JAM2: variants seen among roughly 807,000 people sequenced by gnomAD.
JAM2 encodes the protein junctional adhesion molecule B.
JAM2 carries 17 observed loss-of-function variants against 42.0 expected under a neutral mutation model. The ratio of observed to expected loss-of-function variants is 0.40; its 90% CI spans 0.28 to 0.61. JAM2 has a LOEUF of 0.61. Ranked by LOEUF, JAM2 falls within the 20% of genes least tolerant of loss-of-function variation. JAM2 has a pLI of 0.37. For missense variants in JAM2, 319 were observed against 358.3 expected, an observed-to-expected ratio of 0.89 and a Z score of 0.89; for synonymous variants, 118 against 128.6, an observed-to-expected ratio of 0.92 and a Z score of 0.56.
At chr21:25,694,199 G>A (rs2033946473) in intron 4 of JAM2, among the ~76,000 whole-genome samples, 1 of 152,164 alleles carries the variant, frequency 6.6e-6, no homozygotes, top group Admixed American at 6.5e-5. Flanking sequence ...TTTCCTGAGA[G>A]TTTATTTTTC....
At chr21:25,676,286 CAA>C (rs397958040) in intron 1 of JAM2, among the ~76,000 whole-genome samples, 1,234 of 61,138 alleles carry the variant, frequency 0.02, 8 homozygotes, top group African/African-American at 0.068. Flanking sequence ...AGACTCGTCT[CAA>C]AAAAAAAAAA....
intron 6 of JAM2, among the ~76,000 whole-genome samples, chr21:25,704,083 T>C: frequency 6.6e-6 from 1 of 151,754 alleles, no homozygotes; most frequent in Non-Finnish European, 1.5e-5. Context: ...TGTCAGATAA[T>C]AGCCCTTACT....
chr21:25,689,918 G>A lies in JAM2; in HGVS notation c.186G>A (p.Glu62=). Residue 62 remains glutamate, a synonymous_variant, in exon 3 of 10, where the codon GAG becomes GAA. Coordinates refer to ENST00000480456, the MANE Select transcript of JAM2 (RefSeq NM_021219.4). ...TPKKTVSSRL[E]WKKLGRSVSF... is the part of the protein sequence containing the mutation. The stretch of plus-strand genomic sequence containing the variant: ...AGAAGACTGTTTCCTCCAGATTAGA[G>A]TGGAAGAAACTGGGTCGGAGTGTCT... The A allele has an allele frequency of 6.2e-7, 1 of 1,613,870 alleles. No individual in the cohort carries two copies. Among genetic ancestry groups the A allele is most frequent in the Non-Finnish European group, 8.5e-7 (1 of 1,179,824 alleles).
intron 1 of JAM2, among the ~76,000 whole-genome samples, chr21:25,640,740 C>A (rs1270601248): frequency 6.6e-6 from 1 of 152,146 alleles, no homozygotes; most frequent in Non-Finnish European, 1.5e-5. Context: ...TTTGCTTTTT[C>A]TTTTTTCTCT....
chr21:25,664,601 C>T (rs1277655356), intron 1 of JAM2, among the ~76,000 whole-genome samples: 3 of 152,236 alleles, frequency 2.0e-5, no homozygotes, highest in Non-Finnish European at 2.9e-5. Context: ...TTGACACTCC[C>T]TCTTTGAAAG....
chr21:25,677,900 A>G (rs1461661257), intron 1 of JAM2, among the ~76,000 whole-genome samples: 2 of 152,212 alleles, frequency 1.3e-5, no homozygotes, highest in African/African-American at 4.8e-5. Context: ...TGAAAGTTTC[A>G]CAGAACAATG....
chr21:25,665,057 T>A (rs1251134232), intron 1 of JAM2, among the ~76,000 whole-genome samples: 2 of 152,204 alleles, frequency 1.3e-5, no homozygotes, highest in Non-Finnish European at 2.9e-5. Flanking sequence ...ATGGGTTGTC[T>A]AGAGTGTTGC....
intron 1 of JAM2, among the ~76,000 whole-genome samples, chr21:25,655,911 A>G (rs2123324441): frequency 7.5e-6 from 1 of 133,464 alleles, no homozygotes; most frequent in Admixed American, 7.3e-5. Context: ...TTTCCCACTA[A>G]TAGTTTTTTT....
chr21:25,712,119 T>C (rs2034395547), intron 8 of JAM2: 1 of 540,848 alleles, frequency 1.8e-6, no homozygotes, highest in African/African-American at 1.9e-5. Flanking sequence ...TACATTTACG[T>C]GCACAAGGCT....
chr21:25,649,920 T>C (rs1001280932), intron 1 of JAM2, among the ~76,000 whole-genome samples: 1 of 152,208 alleles, frequency 6.6e-6, no homozygotes, highest in African/African-American at 2.4e-5. Flanking sequence ...TGGAAACACC[T>C]GCAGGAGCAG....
intron 1 of JAM2, among the ~76,000 whole-genome samples, chr21:25,670,884 C>T (rs1199382007): frequency 6.6e-6 from 1 of 152,140 alleles, no homozygotes; most frequent in African/African-American, 2.4e-5. Context: ...TGTTTTTTGG[C>T]TTCCTGAGGA....
rs1568920885 is a variant in JAM2, at chr21:25,709,462, T to C, written c.821+13T>C. ...AAACCTCCTTCCAGTAAGTATACTT[T>C]CCTACAATGCATGTCTTTCTCCTAT... On this transcript the variant is annotated intron_variant, in intron 8 of 9. Coordinates refer to ENST00000480456, the MANE Select transcript of JAM2 (RefSeq NM_021219.4). The C allele has an allele frequency of 2.1e-6, 3 of 1,450,984 alleles. No individual in the cohort carries two copies. Among genetic ancestry groups the C allele is most frequent in the Non-Finnish European group, 9.6e-7 (1 of 1,046,482 alleles). The allele number at this position is 1,450,984 out of a possible 1,614,324, so 89.9% of individuals were successfully genotyped here.
At chr21:25,669,866 T>A (rs1033472027) in intron 1 of JAM2, among the ~76,000 whole-genome samples, 24 of 152,230 alleles carry the variant, frequency 1.6e-4, no homozygotes, top group African/African-American at 5.5e-4. Flanking sequence ...TTTATTTAAT[T>A]TTAGATGATA....
At chr21:25,653,203 T>C (rs755775164) in intron 1 of JAM2, among the ~76,000 whole-genome samples, 19 of 152,132 alleles carry the variant, frequency 1.2e-4, no homozygotes, top group Admixed American at 1.3e-4. Context: ...CAATAATAAA[T>C]GAGAAGGGAG....
intron 1 of JAM2, among the ~76,000 whole-genome samples, chr21:25,651,912 G>A (rs973881062): frequency 6.6e-6 from 1 of 152,176 alleles, no homozygotes; most frequent in Non-Finnish European, 1.5e-5. Context: ...AGAAACACTG[G>A]CAGGTTAAAC....
intron 4 of JAM2, among the ~76,000 whole-genome samples, chr21:25,696,019 T>C (rs1384298525): frequency 6.6e-6 from 1 of 152,078 alleles, no homozygotes; most frequent in Non-Finnish European, 1.5e-5. Flanking sequence ...CTCGGCACTT[T>C]GGGAGGCCAA....
chr21:25,656,145 C>T (rs979560197), intron 1 of JAM2, among the ~76,000 whole-genome samples: 1 of 151,878 alleles, frequency 6.6e-6, no homozygotes, highest in Non-Finnish European at 1.5e-5. Context: ...CAGATGAATG[C>T]ATGCCACATT....
chr21:25,689,636 A>T (rs1225134208), intron 2 of JAM2, among the ~76,000 whole-genome samples: 1 of 152,230 alleles, frequency 6.6e-6, no homozygotes, highest in African/African-American at 2.4e-5. Context: ...TTTACAGATG[A>T]AAACTCAAAC....
At chr21:25,713,281 T>C (rs2034418524) in intron 9 of JAM2, among the ~76,000 whole-genome samples, 1 of 152,224 alleles carries the variant, frequency 6.6e-6, no homozygotes, top group African/African-American at 2.4e-5. Flanking sequence ...AGTAATTACC[T>C]AACTCAGAGG....
Sources: gnomAD v4.1 joint callset for allele counts (sites outside exome capture counted in the v4.1 genomes callset) on GRCh38, gnomAD v4.1.1 for gene constraint, MANE v1.5 for transcripts, NCBI Gene and HGNC (gene_info 2026-07-23, HGNC 2026-07-21) for gene names.